Variants in OSTF1 observed in about 807,000 individuals in gnomAD.
OSTF1 encodes osteoclast-stimulating factor 1.
OSTF1 carries 27 observed loss-of-function variants against 37.2 expected under a neutral mutation model. The observed-to-expected ratio is 0.73, with a 90% confidence interval of 0.54 to 1.00. OSTF1 has a LOEUF of 1.00. Ranked by LOEUF, OSTF1 falls within the 50% of genes least tolerant of loss-of-function variation. The pLI is 0.00. For missense variants in OSTF1, 232 were observed against 253.8 expected (o/e 0.91, Z 0.58); for synonymous variants, 82 against 89.2 (o/e 0.92, Z 0.46).
intron 1 of OSTF1, among the ~76,000 whole-genome samples, chr9:75,101,402 G>T (rs1035401722): frequency 6.6e-5 from 10 of 152,206 alleles, no homozygotes; most frequent in African/African-American, 2.4e-4. Flanking sequence ...AAAGGCTGTT[G>T]TCTTAGTGAG....
At chr9:75,113,537 CT>C (rs1446840874) in intron 1 of OSTF1, among the ~76,000 whole-genome samples, 1 of 151,910 alleles carries the variant, frequency 6.6e-6, no homozygotes, top group African/African-American at 2.4e-5. Context: ...CAACCTCCGC[CT>C]TCTGGGTTCA....
chr9:75,132,877 A>G (rs1264769923), intron 5 of OSTF1, among the ~76,000 whole-genome samples: 1 of 152,106 alleles, frequency 6.6e-6, no homozygotes, highest in Non-Finnish European at 1.5e-5. Flanking sequence ...AAATATGAAT[A>G]TGAATAGTAT....
chr9:75,111,847 G>A (rs1304661973), intron 1 of OSTF1, among the ~76,000 whole-genome samples: 9 of 115,398 alleles, frequency 7.8e-5, no homozygotes, highest in Admixed American at 2.1e-4. Context: ...TTTTTGAGGC[G>A]GAGTTTCTCC....
intron 1 of OSTF1, among the ~76,000 whole-genome samples, chr9:75,092,848 CA>C (rs1033770821): frequency 1.3e-5 from 2 of 152,010 alleles, no homozygotes; most frequent in African/African-American, 4.8e-5. Context: ...CTTGAAAAAT[CA>C]ATTCTGTCGC....
chr9:75,092,547 A>T (rs545306765), intron 1 of OSTF1, among the ~76,000 whole-genome samples: 5 of 152,158 alleles, frequency 3.3e-5, no homozygotes, highest in East Asian at 1.9e-4. Flanking sequence ...TGTTTTTTTT[A>T]AAAAAGCTTG....
rs1028955327 is a variant in OSTF1, at chr9:75,129,592, A to AT, written c.133-984dup. 6.6e-5 allele frequency among the ~76,000 whole-genome samples: 10 copies of AT among 152,240 alleles called. 1 individual carries two copies. The highest frequency in any genetic ancestry group is 1.5e-4 in the Non-Finnish European group (10 of 68,040). On this transcript the variant is annotated intron_variant, in intron 3 of 9. Coordinates refer to ENST00000346234, the MANE Select transcript of OSTF1 (RefSeq NM_012383.5). ...CCAAAAAAAATTGGAGCTGAATCTA[A>AT]TTAAACCTCTAGAACTGATGACCAA...
At chr9:75,140,808 T>C (rs1825929738) in intron 8 of OSTF1, 26 bp from the exon 9 acceptor site, 1 of 1,557,360 alleles carries the variant, frequency 6.4e-7, no homozygotes, top group African/African-American at 1.4e-5. Flanking sequence ...CAAAGACACC[T>C]AATTGACTTT....
intron 7 of OSTF1, among the ~76,000 whole-genome samples, chr9:75,136,453 C>T (rs139859647): frequency 9.6e-4 from 146 of 152,176 alleles, no homozygotes; most frequent in Non-Finnish European, 1.8e-3. Context: ...GGCGTAGTGG[C>T]GCAATCTCAG....
chr9:75,105,777 A>G (rs959328191), intron 1 of OSTF1, among the ~76,000 whole-genome samples: 3 of 152,194 alleles, frequency 2.0e-5, no homozygotes, highest in African/African-American at 7.2e-5. Context: ...TTTTTTACCC[A>G]GTGAAGACAG....
At chr9:75,139,431 G>GT (rs937539458) in intron 8 of OSTF1, among the ~76,000 whole-genome samples, 112 of 151,458 alleles carry the variant, frequency 7.4e-4, no homozygotes, top group African/African-American at 2.6e-3. Context: ...TTCTTTTTTT[G>GT]TTTTTTTGGT....
At chr9:75,103,309 A>G (rs1262003476) in intron 1 of OSTF1, among the ~76,000 whole-genome samples, 1 of 152,156 alleles carries the variant, frequency 6.6e-6, no homozygotes, top group Non-Finnish European at 1.5e-5. Flanking sequence ...TATAAAATAA[A>G]ATACAGGTAC....
rs1237390247 is a variant in OSTF1, at chr9:75,117,388, T to C, written c.35-116T>C. ...CTTTCCAGCCTCTAGTATCCTCTGT[T>C]CTACTTGATCACATGGGTTTTTAAT... On this transcript the variant is annotated intron_variant, in intron 1 of 9. Coordinates refer to ENST00000346234, the MANE Select transcript of OSTF1 (RefSeq NM_012383.5). 6 of 694,498 alleles carry C rather than the reference T, an allele frequency of 8.6e-6. No homozygotes were observed. The Admixed American group carries it at 1.5e-4, about 18-fold the overall frequency. The allele number at this position is 694,498 out of a possible 1,614,324, so 43.0% of individuals were successfully genotyped here.
At chr9:75,133,522 A>G (rs1825799135) in intron 6 of OSTF1, 121 bp downstream of exon 6, 1 of 630,016 alleles carries the variant, frequency 1.6e-6, no homozygotes, top group South Asian at 2.1e-5. Context: ...ATCCTTTAGA[A>G]TACCGGCCAA....
intron 1 of OSTF1, among the ~76,000 whole-genome samples, chr9:75,106,278 T>C (rs1825282153): frequency 6.6e-6 from 1 of 152,234 alleles, no homozygotes; most frequent in Non-Finnish European, 1.5e-5. Context: ...CATTGGAAAC[T>C]ATTGGACATT....
chr9:75,102,419 GA>G (rs1168700575), intron 1 of OSTF1, among the ~76,000 whole-genome samples: 2 of 152,194 alleles, frequency 1.3e-5, no homozygotes, highest in African/African-American at 4.8e-5. Context: ...CTAGCGTCTT[GA>G]AGAAAAGAAA....
At chr9:75,141,171 T>G (rs2118631342) in intron 9 of OSTF1, among the ~76,000 whole-genome samples, 1 of 151,990 alleles carries the variant, frequency 6.6e-6, no homozygotes, top group Middle Eastern at 3.4e-3. Context: ...CATTGTGGTG[T>G]GGGCCTGTAG....
intron 7 of OSTF1, among the ~76,000 whole-genome samples, chr9:75,137,307 G>A (rs1825858250): frequency 6.6e-6 from 1 of 152,062 alleles, no homozygotes; most frequent in Admixed American, 6.6e-5. Flanking sequence ...TTCAGCTCGT[G>A]CTCCACCAAG....
chr9:75,140,586 A>T (rs541780529), intron 8 of OSTF1, among the ~76,000 whole-genome samples: 2 of 152,244 alleles, frequency 1.3e-5, no homozygotes, highest in African/African-American at 4.8e-5. Flanking sequence ...TGAAAAGTTC[A>T]CATGCAATTC....
intron 1 of OSTF1, among the ~76,000 whole-genome samples, chr9:75,090,088 A>C (rs1824935894): frequency 6.6e-6 from 1 of 152,236 alleles, no homozygotes; most frequent in Non-Finnish European, 1.5e-5. Context: ...CATATGTATG[A>C]GGTAGCTTTC....
Sources: allele counts gnomAD v4.1 joint callset (sites outside exome capture counted in the v4.1 genomes callset), GRCh38; gene constraint gnomAD v4.1.1; transcripts MANE v1.5; gene names NCBI Gene and HGNC (gene_info 2026-07-23, HGNC 2026-07-21).